The following KIF13B variants were observed in gnomAD, a reference collection of about 807,000 sequenced individuals.
KIF13B encodes kinesin-like protein KIF13B.
Under a neutral mutation model 222.0 loss-of-function variants are expected in KIF13B, and 127 were observed. That is an observed-to-expected ratio of 0.57 (90% CI 0.50 to 0.66). The LOEUF (loss-of-function observed/expected upper bound fraction) is 0.66, where lower values mean the gene tolerates loss of function less well. KIF13B is among the 30% of genes least tolerant of loss of function. The pLI, the probability that KIF13B is intolerant of heterozygous loss-of-function variation, is 0.00. For missense variants in KIF13B, 2,173 were observed against 2,379.0 expected, an observed-to-expected ratio of 0.91 and a Z score of 1.80; for synonymous variants, 976 against 919.0, an observed-to-expected ratio of 1.06 and a Z score of -1.12.
intron 21 of KIF13B, among the ~76,000 whole-genome samples, chr8:29,136,958 C>A (rs1417917364): frequency 1.3e-5 from 2 of 151,914 alleles, no homozygotes; most frequent in Non-Finnish European, 1.5e-5. Context: ...CACCACCACG[C>A]CCGGCTAATT....
intron 37 of KIF13B, among the ~76,000 whole-genome samples, chr8:29,086,685 C>A (rs1041037222): frequency 6.6e-6 from 1 of 152,172 alleles, no homozygotes; most frequent in Non-Finnish European, 1.5e-5. Flanking sequence ...CACATTATAA[C>A]CCTTAAGCGA....
intron 16 of KIF13B, among the ~76,000 whole-genome samples, 157 bp from the exon 17 acceptor site, chr8:29,147,759 C>T (rs1811122719): frequency 6.6e-6 from 1 of 152,200 alleles, no homozygotes; most frequent in Non-Finnish European, 1.5e-5. Context: ...CTTTCAATCA[C>T]TCATGTTGTT....
chr8:29,149,522 G>C (rs998232863), intron 15 of KIF13B, among the ~76,000 whole-genome samples: 17 of 152,312 alleles, frequency 1.1e-4, no homozygotes, highest in Middle Eastern at 6.8e-3. Context: ...TACAGCCCCA[G>C]GTGAGACACA....
rs1366226978 is a variant in KIF13B, at chr8:29,196,277, T to C, written c.150-78A>G. On this transcript the variant is annotated intron_variant, in intron 2 of 39. Coordinates refer to ENST00000524189, the MANE Select transcript of KIF13B (RefSeq NM_015254.4). Reference sequence around the variant, plus strand: ...AAAAAAAAATTTAGTTTAGAAGACTTTTTTTGAAGGGTAAAATAATAAACA... The same window carrying C: ...AAAAAAAAATTTAGTTTAGAAGACTCTTTTTGAAGGGTAAAATAATAAACA... 5 of 1,183,390 alleles carry C rather than the reference T, an allele frequency of 4.2e-6. No individual in the cohort carries two copies. In the Admixed American group the frequency reaches 7.6e-5, roughly 18 times the overall value. The allele number at this position is 1,183,390 out of a possible 1,614,324, so 73.3% of individuals were successfully genotyped here.
At chr8:29,168,805 G>A (rs1167308203) in intron 10 of KIF13B, among the ~76,000 whole-genome samples, 1 of 152,114 alleles carries the variant, frequency 6.6e-6, no homozygotes, top group Non-Finnish European at 1.5e-5. Context: ...TAAGCCACAC[G>A]CACCCGGAGT....
intron 36 of KIF13B, among the ~76,000 whole-genome samples, chr8:29,097,476 A>C (rs1187710381): frequency 6.6e-6 from 1 of 152,226 alleles, no homozygotes; most frequent in Non-Finnish European, 1.5e-5. Flanking sequence ...TGAACAAGGC[A>C]ATAAACCACA....
chr8:29,113,677 C>T lies in KIF13B; in HGVS notation c.3838-122G>A, dbSNP rs189787303. 3.3e-4 allele frequency: 225 copies of T among 688,010 alleles called. 4 individuals carry two copies. The African/African-American group carries it at 3.7e-3, about 11-fold the overall frequency. 42.6% of individuals were successfully genotyped at this position (688,010 alleles called of 1,614,324 possible). ...AAAAGAAAACAGAGCAGGTTTCCAA[C>T]ATAAGCAAGTGAAATCACCAAGTAC... On this transcript the variant is annotated intron_variant, in intron 31 of 39. Coordinates refer to ENST00000524189, the MANE Select transcript of KIF13B (RefSeq NM_015254.4).
At chr8:29,121,158 C>T (rs927677024) in intron 29 of KIF13B, among the ~76,000 whole-genome samples, 1 of 149,844 alleles carries the variant, frequency 6.7e-6, no homozygotes, top group Non-Finnish European at 1.5e-5. Flanking sequence ...TCAATGCCAT[C>T]CCCATCAAGC....
At chr8:29,180,402 C>T (rs1812663524) in intron 7 of KIF13B, among the ~76,000 whole-genome samples, 164 bp from the exon 8 acceptor site, 1 of 152,160 alleles carries the variant, frequency 6.6e-6, no homozygotes, top group Non-Finnish European at 1.5e-5. Context: ...AGTACAATAG[C>T]CAATACTGTC....
At chr8:29,126,729 C>T (rs746581706) in intron 25 of KIF13B, among the ~76,000 whole-genome samples, 8 of 152,172 alleles carry the variant, frequency 5.3e-5, no homozygotes, top group Non-Finnish European at 2.9e-5. Flanking sequence ...TTGACCTTTT[C>T]GGGAACCAGT....
intron 2 of KIF13B, among the ~76,000 whole-genome samples, chr8:29,204,155 A>G (rs1218144540): frequency 1.3e-5 from 2 of 152,154 alleles, no homozygotes; most frequent in Non-Finnish European, 2.9e-5. Context: ...ACCCACACAA[A>G]CAACAACTGG....
At chr8:29,184,392 T>G (rs1479248483) in intron 6 of KIF13B, among the ~76,000 whole-genome samples, 2 of 152,158 alleles carry the variant, frequency 1.3e-5, no homozygotes, top group African/African-American at 4.8e-5. Flanking sequence ...GCACTTACTG[T>G]ATGCCAGCAA....
At chr8:29,239,071 G>C (rs1393369915) in intron 2 of KIF13B, among the ~76,000 whole-genome samples, 1 of 152,036 alleles carries the variant, frequency 6.6e-6, no homozygotes, top group African/African-American at 2.4e-5. Flanking sequence ...AAACAGAAAA[G>C]AAAGAAAGAC....
At chr8:29,161,699 AC>A (rs61187527) in intron 12 of KIF13B, among the ~76,000 whole-genome samples, 142 of 141,836 alleles carry the variant, frequency 1.0e-3, no homozygotes, top group East Asian at 2.9e-3. Context: ...CCATCTCAAA[AC>A]CCCCCCCCAA....
intron 37 of KIF13B, among the ~76,000 whole-genome samples, chr8:29,087,663 G>C (rs1033209478): frequency 5.3e-5 from 8 of 152,182 alleles, no homozygotes; most frequent in Admixed American, 2.6e-4. Context: ...ATTTAGACGA[G>C]AAAGGAAACA....
intron 37 of KIF13B, among the ~76,000 whole-genome samples, chr8:29,084,999 G>C (rs1295928169): frequency 6.6e-6 from 1 of 152,188 alleles, no homozygotes; most frequent in East Asian, 1.9e-4. Flanking sequence ...CCATAAAAAT[G>C]AGAAACATAA....
intron 10 of KIF13B, among the ~76,000 whole-genome samples, chr8:29,169,507 G>A (rs1812145906): frequency 6.6e-6 from 1 of 152,112 alleles, no homozygotes; most frequent in Non-Finnish European, 1.5e-5. Context: ...TGATTCCTAA[G>A]GTGTTACTAA....
At chr8:29,078,461 C>A (rs1038494029) in intron 37 of KIF13B, among the ~76,000 whole-genome samples, 1 of 152,136 alleles carries the variant, frequency 6.6e-6, no homozygotes, top group Admixed American at 6.5e-5. Context: ...AAATCATAAC[C>A]GTGTGCTCAT....
chr8:29,228,383 C>T (rs964616318), intron 2 of KIF13B, among the ~76,000 whole-genome samples: 14 of 150,490 alleles, frequency 9.3e-5, no homozygotes, highest in Admixed American at 7.3e-4. Context: ...AAGAGAATAG[C>T]GTGAACCCAG....
Sources: gnomAD v4.1 joint callset for allele counts (sites outside exome capture counted in the v4.1 genomes callset) on GRCh38, gnomAD v4.1.1 for gene constraint, MANE v1.5 for transcripts, NCBI Gene and HGNC (gene_info 2026-07-23, HGNC 2026-07-21) for gene names.